The following PLSCR4 variants were observed in gnomAD, a reference collection of about 807,000 sequenced individuals.
PLSCR4 encodes the protein phospholipid scramblase 4, also known as Ca(2+)-dependent phospholipid scramblase 4.
Under a neutral mutation model 36.3 loss-of-function variants are expected in PLSCR4, and 25 were observed. That is an observed-to-expected ratio of 0.69 (90% CI 0.50 to 0.96). PLSCR4 has a LOEUF of 0.96. PLSCR4 is among the 40% of genes least tolerant of loss of function. PLSCR4 has a pLI of 0.00. For missense variants in PLSCR4, 408 were observed against 414.7 expected (o/e 0.98, Z 0.14); for synonymous variants, 122 against 132.9 (o/e 0.92, Z 0.56).
At position 146,250,937 on chromosome 3, in the gene PLSCR4, CCCGCCTGTCCAGCCCCACTCA is replaced by C. The variant is rs983269652; in HGVS notation, c.-22+2_-22+22del. On this transcript the variant is annotated splice_donor_variant and splice_donor_5th_base_variant and intron_variant, in intron 1 of 8. Coordinates refer to ENST00000354952, the MANE Select transcript of PLSCR4 (RefSeq NM_020353.3). LOFTEE classifies it low-confidence loss of function (5UTR_SPLICE). ...CCGCGCCACCCTGTCCTGCTCTGCG[CCCGCCTGTCCAGCCCCACTCA>C]CCGCCTGCCCCGCAGAATGCTGGGC... The C allele has an allele frequency of 7.2e-5, 11 of 152,782 alleles. No individual in the cohort carries two copies. The highest frequency in any genetic ancestry group is 1.7e-4 in the African/African-American group (7 of 41,444). 9.5% of individuals were successfully genotyped at this position (152,782 alleles called of 1,614,324 possible).
At chr3:146,199,000 T>C (rs562031869) in intron 6 of PLSCR4, among the ~76,000 whole-genome samples, 9 of 152,250 alleles carry the variant, frequency 5.9e-5, no homozygotes, top group Admixed American at 5.2e-4. Flanking sequence ...TCCTATCCGA[T>C]AGGTACTATT....
intron 1 of PLSCR4, among the ~76,000 whole-genome samples, chr3:146,239,744 A>G (rs1487406378): frequency 1.3e-5 from 2 of 151,888 alleles, no homozygotes; most frequent in Non-Finnish European, 2.9e-5. Context: ...ACAGCTGGGC[A>G]TGGTGGCACA....
At chr3:146,195,027 T>C (rs1170591071) in intron 8 of PLSCR4, 97 bp downstream of exon 8, 4 of 1,008,576 alleles carry the variant, frequency 4.0e-6, no homozygotes, top group Non-Finnish European at 4.4e-6. Context: ...AGAGATAAGT[T>C]GGATTGGTTT....
intron 3 of PLSCR4, among the ~76,000 whole-genome samples, chr3:146,220,061 T>A (rs986492643): frequency 6.6e-6 from 1 of 152,186 alleles, no homozygotes; most frequent in Non-Finnish European, 1.5e-5. Context: ...ATATGTATTT[T>A]AAAAAAATAT....
chr3:146,201,171 C>G, intron 4 of PLSCR4, 94 bp from the exon 5 acceptor site: 1 of 709,174 alleles, frequency 1.4e-6, no homozygotes. Context: ...TAAAATGCAT[C>G]AATTGATACC....
At chr3:146,215,845 G>A (rs1428513915) in intron 3 of PLSCR4, among the ~76,000 whole-genome samples, 1 of 152,204 alleles carries the variant, frequency 6.6e-6, no homozygotes, top group Non-Finnish European at 1.5e-5. Flanking sequence ...GGGAACTGTA[G>A]GTCTACAGGA....
chr3:146,194,899 G>T (rs906888867), intron 8 of PLSCR4, among the ~76,000 whole-genome samples: 1 of 152,162 alleles, frequency 6.6e-6, no homozygotes, highest in Non-Finnish European at 1.5e-5. Context: ...ATTTTACCAT[G>T]ATAGCTAACA....
chr3:146,224,704 T>C (rs1390834994), intron 1 of PLSCR4, among the ~76,000 whole-genome samples: 1 of 152,032 alleles, frequency 6.6e-6, no homozygotes, highest in East Asian at 1.9e-4. Context: ...CAATGCTGGC[T>C]CGGGCAGCCT....
chr3:146,239,519 C>CAAAAAAA (rs34713180), intron 1 of PLSCR4, among the ~76,000 whole-genome samples: 3 of 110,584 alleles, frequency 2.7e-5, no homozygotes, highest in African/African-American at 9.4e-5. Context: ...CATCCACATA[C>CAAAAAAA]AAAAAAAAAA....
At chr3:146,233,010 C>T (rs2035778418) in intron 1 of PLSCR4, among the ~76,000 whole-genome samples, 1 of 151,936 alleles carries the variant, frequency 6.6e-6, no homozygotes, top group East Asian at 1.9e-4. Context: ...GATGATGTAC[C>T]ACAAGACTGA....
At chr3:146,220,477 T>C (rs975088407) in intron 3 of PLSCR4, among the ~76,000 whole-genome samples, 4 of 152,210 alleles carry the variant, frequency 2.6e-5, no homozygotes, top group Non-Finnish European at 4.4e-5. Context: ...ATTTTTATCA[T>C]GACAGCAAAA....
In PLSCR4 at chr3:146,194,000, C is replaced by T. The variant is rs149822536; in HGVS notation, c.*411G>A. 390 of 156,326 alleles carry T rather than the reference C, an allele frequency of 2.5e-3. 2 individuals are homozygous for T. Among genetic ancestry groups the T allele is most frequent in the Middle Eastern group, 0.019 (6 of 316 alleles). 9.7% of individuals were successfully genotyped at this position (156,326 alleles called of 1,614,324 possible). A position where few individuals can be genotyped will look rare whatever the true frequency, so the allele number is the denominator to read the frequency against. ...TGTCTTCAGTATGAGGACATGTTGACGGAGAGGAAAGGTAGGAAAGGGTTA... is the reference window on the plus strand; with the variant it reads ...TGTCTTCAGTATGAGGACATGTTGATGGAGAGGAAAGGTAGGAAAGGGTTA... On this transcript the variant is annotated 3_prime_UTR_variant, in exon 9 of 9. Transcript: ENST00000354952.
chr3:146,242,481 T>C (rs1335235774), intron 1 of PLSCR4, among the ~76,000 whole-genome samples: 2 of 126,532 alleles, frequency 1.6e-5, no homozygotes, highest in African/African-American at 5.9e-5. Flanking sequence ...TGAGCTGAGT[T>C]TGAGCATTTT....
intron 1 of PLSCR4, among the ~76,000 whole-genome samples, chr3:146,244,077 G>C (rs2036255668): frequency 6.6e-6 from 1 of 152,104 alleles, no homozygotes; most frequent in Non-Finnish European, 1.5e-5. Flanking sequence ...TGTGAGTAAT[G>C]TAAGAAAATG....
At chr3:146,231,764 G>C (rs1271966191) in intron 1 of PLSCR4, among the ~76,000 whole-genome samples, 1 of 152,090 alleles carries the variant, frequency 6.6e-6, no homozygotes, top group Non-Finnish European at 1.5e-5. Flanking sequence ...TTCGACCTTT[G>C]TCAGATGTGC....
chr3:146,249,278 G>A (rs1023262599), intron 1 of PLSCR4, among the ~76,000 whole-genome samples: 3 of 152,000 alleles, frequency 2.0e-5, no homozygotes, highest in African/African-American at 7.2e-5. Context: ...GGCTGCATAT[G>A]TTTAGATTTA....
chr3:146,205,753 A>C lies in PLSCR4; in HGVS notation c.354+773T>G, dbSNP rs113432957. ...GTTTATTTCTAGAATTTTCCATTTAATATTTTTGGAACCTGGTTGACCATT... is the reference window on the plus strand; with the variant it reads ...GTTTATTTCTAGAATTTTCCATTTACTATTTTTGGAACCTGGTTGACCATT... On this transcript the variant is annotated intron_variant, in intron 4 of 8. Coordinates refer to ENST00000354952, the MANE Select transcript of PLSCR4 (RefSeq NM_020353.3). 3.0e-3 allele frequency among the ~76,000 whole-genome samples: 460 copies of C among 152,218 alleles called. 3 individuals carry two copies. Among genetic ancestry groups the C allele is most frequent in the African/African-American group, 0.011 (452 of 41,554 alleles).
chr3:146,229,612 TATTTA>T (rs2035619897), intron 1 of PLSCR4, among the ~76,000 whole-genome samples: 1 of 129,360 alleles, frequency 7.7e-6, no homozygotes, highest in African/African-American at 2.7e-5. Context: ...TTTATTTATT[TATTTA>T]TTTATTTATT....
At chr3:146,195,668 C>G (rs533751336) in intron 7 of PLSCR4, among the ~76,000 whole-genome samples, 1 of 152,292 alleles carries the variant, frequency 6.6e-6, no homozygotes, top group African/African-American at 2.4e-5. Context: ...CACTTCACAT[C>G]ACTTAAGTTT....
Sources: allele counts gnomAD v4.1 joint callset (sites outside exome capture counted in the v4.1 genomes callset), GRCh38; gene constraint gnomAD v4.1.1; transcripts MANE v1.5; gene names NCBI Gene and HGNC (gene_info 2026-07-23, HGNC 2026-07-21).